Variants in AJAP1 observed in about 807,000 individuals in gnomAD.
AJAP1 encodes the protein adherens junction-associated protein 1.
A neutral mutation model predicts 35.0 loss-of-function variants in AJAP1; 5 were observed. The observed-to-expected ratio is 0.14, with a 90% CI of 0.07 to 0.30. The LOEUF is 0.30. Ranked by LOEUF, AJAP1 falls within the 10% of genes least tolerant of loss-of-function variation. The pLI, the probability that AJAP1 is intolerant of heterozygous loss-of-function variation, is 1.00. For synonymous variants in AJAP1, 284 were observed against 249.3 expected (o/e 1.14, Z -1.31); for missense variants, 586 against 571.0 (o/e 1.03, Z -0.27).
chr1:4,762,515 C>T (rs909799719), intron 2 of AJAP1, among the ~76,000 whole-genome samples: 15 of 152,150 alleles, frequency 9.9e-5, no homozygotes, highest in South Asian at 2.1e-4. Context: ...GGAGCTTCCC[C>T]GATATTTCAT....
intron 2 of AJAP1, among the ~76,000 whole-genome samples, chr1:4,714,784 G>A (rs1053211638): frequency 5.9e-5 from 9 of 152,184 alleles, no homozygotes; most frequent in South Asian, 2.1e-4. Context: ...TTACAGCAGC[G>A]CTCATCAGGG....
chr1:4,754,951 A>C (rs1641395277), intron 2 of AJAP1, among the ~76,000 whole-genome samples: 1 of 152,190 alleles, frequency 6.6e-6, no homozygotes, highest in South Asian at 2.1e-4. Context: ...CCAGTGGGCA[A>C]GATGCAGGGA....
In AJAP1 at chr1:4,693,164, G is replaced by C. The variant is rs1267192957; in HGVS notation, c.30-18736G>C. Reference sequence around the variant, plus strand: ...ATGGGGAGAAACCGAGGAAACCTTGGAGAAGCCCCCATGAAGGCCCCATGC... The same window carrying C: ...ATGGGGAGAAACCGAGGAAACCTTGCAGAAGCCCCCATGAAGGCCCCATGC... On this transcript the variant is annotated intron_variant, in intron 1 of 5. Transcript: ENST00000378191. This position sits in a 1 kb window ranked among gnomAD's most constrained non-coding sequence, Gnocchi z 4.4. 1.3e-5 allele frequency among the ~76,000 whole-genome samples: 2 copies of C among 152,074 alleles called. No homozygotes were observed. The highest frequency in any genetic ancestry group is 2.1e-4 in the South Asian group (1 of 4,822).
Position 4,786,558 on chromosome 1 carries a change from A to T in AJAP1, c.*4073A>T, listed in dbSNP as rs2100382979. ...ATTGGTCTTCAAAATTTTGTGTGTG[A>T]TGCCCAATGTGTAGGCCATATTGAA... On this transcript the variant is annotated 3_prime_UTR_variant, in exon 6 of 6. Coordinates refer to ENST00000378191, the MANE Select transcript of AJAP1 (RefSeq NM_018836.4). 1 of 152,320 alleles carries T rather than the reference A, an allele frequency of 6.6e-6. No individual in the cohort carries two copies. The highest frequency in any genetic ancestry group is 1.9e-4 in the East Asian group (1 of 5,180). 9.4% of individuals were successfully genotyped at this position (152,320 alleles called of 1,614,324 possible).
At chr1:4,714,243 C>T (rs3766955) in intron 2 of AJAP1, among the ~76,000 whole-genome samples, 4 of 152,256 alleles carry the variant, frequency 2.6e-5, no homozygotes, top group East Asian at 1.9e-4. Flanking sequence ...GAAGAGGCTC[C>T]GGAGGAAGAG....
chr1:4,749,431 G>C lies in AJAP1; in HGVS notation c.830-20422G>C, dbSNP rs12090274. On this transcript the variant is annotated intron_variant, in intron 2 of 5. Transcript: ENST00000378191. ...GGGGTTTCTGTAAAAAGCGAGACAC[G>C]AGACGCTATGGCCCCAGATCTGTGG... 8.1e-3 allele frequency among the ~76,000 whole-genome samples: 1,240 copies of C among 152,330 alleles called. 17 individuals carry two copies. The highest frequency in any genetic ancestry group is 0.028 in the African/African-American group (1,167 of 41,576).
At chr1:4,741,242 C>T (rs184788975) in intron 2 of AJAP1, among the ~76,000 whole-genome samples, 1 of 152,258 alleles carries the variant, frequency 6.6e-6, no homozygotes, top group African/African-American at 2.4e-5. Flanking sequence ...CAAGGAAGGA[C>T]CACAGACCAG....
At position 4,712,271 on chromosome 1, in the gene AJAP1, C is replaced by A; in HGVS notation, c.401C>A (p.Ser134Tyr). ...AKSSPSLASS[S>Y]SSSSSAVAGG... Reference sequence around the variant, plus strand: ...TCCAGCCCTTCCCTCGCCTCTTCGTCCTCGTCCTCGTCCTCCGCGGTGGCC... The same window carrying A: ...TCCAGCCCTTCCCTCGCCTCTTCGTACTCGTCCTCGTCCTCCGCGGTGGCC... The change falls in exon 2 of 6, where the codon TCC becomes TAC. Residue 134 changes from serine to tyrosine, a missense_variant. Transcript: ENST00000378191. 1 of 1,511,588 alleles carries A rather than the reference C, an allele frequency of 6.6e-7. No individual in the cohort carries two copies. The highest frequency in any genetic ancestry group is 2.2e-5 in the Admixed American group (1 of 45,590). The allele number at this position is 1,511,588 out of a possible 1,614,324, so 93.6% of individuals were successfully genotyped here.
chr1:4,792,314 A>G lies in AJAP1; in HGVS notation c.*9829A>G, dbSNP rs1373209863. 7.9e-6 allele frequency: 1 copy of G among 125,964 alleles called. No individual in the cohort carries two copies. The highest frequency in any genetic ancestry group is 2.7e-4 in the South Asian group (1 of 3,770). 7.8% of individuals were successfully genotyped at this position (125,964 alleles called of 1,614,324 possible). ...ATCATAATCATGTTAATAAACAAAA[A>G]TGACACAATATATGTGGGTGGGGGG... On this transcript the variant is annotated 3_prime_UTR_variant, in exon 6 of 6. Coordinates refer to ENST00000378191, the MANE Select transcript of AJAP1 (RefSeq NM_018836.4).
Position 4,720,729 on chromosome 1 carries a change from C to A in AJAP1, c.829+8030C>A, listed in dbSNP as rs1333776225. Among the ~76,000 whole-genome samples the A allele has an allele frequency of 1.3e-5, 2 of 152,154 alleles. No homozygotes were observed. Among genetic ancestry groups the A allele is most frequent in the Non-Finnish European group, 2.9e-5 (2 of 68,030 alleles). On this transcript the variant is annotated intron_variant, in intron 2 of 5. Transcript: ENST00000378191. This position sits in a 1 kb window ranked among gnomAD's most constrained non-coding sequence, Gnocchi z 4.4. Reference sequence around the variant, plus strand: ...TCACCGGTGGCTCTGCCAGGGTAATCGAATGGTGTTTGTGGTGGGAAAATG... The same window carrying A: ...TCACCGGTGGCTCTGCCAGGGTAATAGAATGGTGTTTGTGGTGGGAAAATG...
chr1:4,773,105 G>A (rs1641875306), intron 4 of AJAP1, among the ~76,000 whole-genome samples: 1 of 152,020 alleles, frequency 6.6e-6, no homozygotes, highest in Admixed American at 6.6e-5. Context: ...GCTTTCAAAG[G>A]TTTGTCCAGA....
chr1:4,685,155 C>CG (rs1430557984), intron 1 of AJAP1, among the ~76,000 whole-genome samples: 1 of 152,122 alleles, frequency 6.6e-6, no homozygotes, highest in African/African-American at 2.4e-5. Flanking sequence ...AGAAATGCAG[C>CG]GATGGTGCAT....
At chr1:4,691,700 A>G (rs753720366) in intron 1 of AJAP1, among the ~76,000 whole-genome samples, 5 of 152,230 alleles carry the variant, frequency 3.3e-5, no homozygotes, top group Non-Finnish European at 7.4e-5. Flanking sequence ...CTTAGGAAGG[A>G]GGGCCAGGAC....
At chr1:4,714,087 A>G (rs1384439168) in intron 2 of AJAP1, among the ~76,000 whole-genome samples, 2 of 151,758 alleles carry the variant, frequency 1.3e-5, no homozygotes, top group Non-Finnish European at 2.9e-5. Context: ...TTCTTCCTTC[A>G]CCTGGACAAG....
At chr1:4,687,110 T>C (rs935152895) in intron 1 of AJAP1, among the ~76,000 whole-genome samples, 1 of 152,144 alleles carries the variant, frequency 6.6e-6, no homozygotes, top group African/African-American at 2.4e-5. Flanking sequence ...GTAGGCCTTT[T>C]CCTCGCTCTT....
rs1642209277 is a variant in AJAP1, at chr1:4,788,781, G to A, written c.*6296G>A. 6.6e-6 allele frequency: 1 copy of A among 152,202 alleles called. No homozygotes were observed. The highest frequency in any genetic ancestry group is 1.5e-5 in the Non-Finnish European group (1 of 68,062). The allele number at this position is 152,202 out of a possible 1,614,324, so 9.4% of individuals were successfully genotyped here. On this transcript the variant is annotated 3_prime_UTR_variant, in exon 6 of 6. Transcript: ENST00000378191. ...CAGAATATCCAGTGACCCAAGTGATGTTAGTCTTAGGGTCCCTAAGGCAGT... is the reference window on the plus strand; with the variant it reads ...CAGAATATCCAGTGACCCAAGTGATATTAGTCTTAGGGTCCCTAAGGCAGT...
intron 2 of AJAP1, among the ~76,000 whole-genome samples, chr1:4,730,200 G>A (rs772056061): frequency 6.6e-5 from 10 of 152,196 alleles, no homozygotes; most frequent in African/African-American, 1.4e-4. Context: ...ATTGCTAATC[G>A]TTTATTTAAC....
At chr1:4,714,092 G>T (rs1347694413) in intron 2 of AJAP1, among the ~76,000 whole-genome samples, 2 of 152,168 alleles carry the variant, frequency 1.3e-5, no homozygotes, top group Non-Finnish European at 2.9e-5. Flanking sequence ...CCTTCACCTG[G>T]ACAAGAGAAC....
intron 2 of AJAP1, among the ~76,000 whole-genome samples, chr1:4,753,595 G>A (rs1329625378): frequency 6.6e-6 from 1 of 152,002 alleles, no homozygotes; most frequent in Non-Finnish European, 1.5e-5. Context: ...GTTTTGAGAT[G>A]GAGTTTCGTT....
Sources: allele counts gnomAD v4.1 joint callset (sites outside exome capture counted in the v4.1 genomes callset), GRCh38; gene constraint gnomAD v4.1.1; non-coding constraint Gnocchi (gnomAD v3.1); transcripts MANE v1.5; gene names NCBI Gene and HGNC (gene_info 2026-07-23, HGNC 2026-07-21).